Variants in WNK2 observed in about 807,000 individuals in gnomAD.
WNK2 encodes WNK lysine deficient protein kinase 2.
In WNK2, 67 loss-of-function variants were observed where a neutral mutation model predicts 192.1. The ratio of observed to expected loss-of-function variants is 0.35; its 90% CI spans 0.29 to 0.43. WNK2 has a LOEUF of 0.43. Ranked by LOEUF, WNK2 falls within the 20% of genes least tolerant of loss-of-function variation. The pLI, the probability that WNK2 is intolerant of heterozygous loss-of-function variation, is 1.00. For synonymous variants in WNK2, 1,439 were observed against 1,393.9 expected (o/e 1.03, Z -0.72); for missense variants, 2,698 against 3,089.7 (o/e 0.87, Z 3.01).
At chr9:93,256,641 G>A (rs375946389) in intron 10 of WNK2, 187 bp downstream of exon 10, 22 of 573,522 alleles carry the variant, frequency 3.8e-5, no homozygotes, top group East Asian at 1.1e-4. Context: ...GTGTGTGTAC[G>A]TGTGTGTGTG....
Position 93,235,653 on chromosome 9 carries a change from C to T in WNK2, c.1233+688C>T, listed in dbSNP as rs570209226. Among the ~76,000 whole-genome samples, 3 of 152,350 alleles carry T rather than the reference C, an allele frequency of 2.0e-5. No individual in the cohort carries two copies. The East Asian group carries it at 5.8e-4, about 29-fold the overall frequency. Reference sequence around the variant, plus strand: ...GGCTTTCTGTGCCTGTTTTCTGCACCACCCGTCTTGTTGTGAAGCCCAGGG... The same window carrying T: ...GGCTTTCTGTGCCTGTTTTCTGCACTACCCGTCTTGTTGTGAAGCCCAGGG... On this transcript the variant is annotated intron_variant, in intron 5 of 29. Coordinates refer to ENST00000427277, the MANE Select transcript of WNK2 (RefSeq NM_006648.4).
At chr9:93,228,829 T>C (rs920868288) in intron 2 of WNK2, among the ~76,000 whole-genome samples, 1 of 151,826 alleles carries the variant, frequency 6.6e-6, no homozygotes, top group African/African-American at 2.4e-5. Flanking sequence ...GGGACTATAG[T>C]GAGGGATGAG....
chr9:93,258,924 CT>C lies in WNK2; in HGVS notation c.2383-4del. The stretch of plus-strand genomic sequence containing the variant: ...CCCACACTGACACACTCCTGTGTCT[CT>C]TTCAGATGCCCCCGATTCCTGTTGT... On this transcript the variant is annotated splice_region_variant and splice_polypyrimidine_tract_variant and intron_variant, in intron 11 of 29. Coordinates refer to ENST00000427277, the MANE Select transcript of WNK2 (RefSeq NM_006648.4). 7.5e-6 allele frequency: 12 copies of C among 1,607,884 alleles called. No homozygotes were observed. Among genetic ancestry groups the C allele is most frequent in the Non-Finnish European group, 1.0e-5 (12 of 1,176,736 alleles).
intron 28 of WNK2, among the ~76,000 whole-genome samples, chr9:93,312,981 G>A (rs1025313642): frequency 3.9e-5 from 6 of 152,102 alleles, no homozygotes; most frequent in South Asian, 2.1e-4. Flanking sequence ...CAGATCTGCC[G>A]GTGAACCCCT....
intron 2 of WNK2, among the ~76,000 whole-genome samples, chr9:93,225,303 G>C (rs1372296258): frequency 6.6e-6 from 1 of 152,156 alleles, no homozygotes; most frequent in Non-Finnish European, 1.5e-5. Flanking sequence ...GGCTGAGGTG[G>C]GAGGGTCACC....
At chr9:93,295,870 C>T (rs1205179705) in intron 23 of WNK2, among the ~76,000 whole-genome samples, 1 of 148,904 alleles carries the variant, frequency 6.7e-6, no homozygotes, top group East Asian at 2.0e-4. Context: ...CCCTCACCTT[C>T]CTCCCCTCTC....
intron 28 of WNK2, among the ~76,000 whole-genome samples, chr9:93,312,480 T>C (rs1853838825): frequency 6.6e-6 from 1 of 151,740 alleles, no homozygotes; most frequent in Non-Finnish European, 1.5e-5. Context: ...GTTCAAGCAA[T>C]TCTCCTGCCT....
rs1040957613 is a variant in WNK2, at chr9:93,259,785, G to A, written c.3066+171G>A. Among the ~76,000 whole-genome samples, 1 of 152,222 alleles carries A rather than the reference G, an allele frequency of 6.6e-6. No homozygotes were observed. The highest frequency in any genetic ancestry group is 1.5e-5 in the Non-Finnish European group (1 of 68,038). ...AGGCGGGGGCTGGCGCCAGCGCGAG[G>A]CATCTGCATCTCTTCCGTTTTCCGA... On this transcript the variant is annotated intron_variant, in intron 12 of 29. Transcript: ENST00000427277. The surrounding 1 kb of genome is among the most constrained non-coding windows in gnomAD (Gnocchi z 4.8).
Position 93,289,290 on chromosome 9 carries a change from C to T in WNK2, c.4536C>T (p.Ser1512=). 1.3e-6 allele frequency: 2 copies of T among 1,599,626 alleles called. No individual in the cohort carries two copies. The highest frequency in any genetic ancestry group is 1.7e-6 in the Non-Finnish European group (2 of 1,174,256). ...TGGGGGCCGTCAGCCTGGCCACCTC[C>T]CAGCTCCCAAGCCCACCCCTGGGGC... is the stretch of plus-strand genomic sequence containing the variant. ...AAVGAVSLAT[S]QLPSPPLGPT... is the part of the protein sequence containing the mutation. The change falls in exon 20 of 30, where the codon TCC becomes TCT. Residue 1512 remains serine, a synonymous_variant. Coordinates refer to ENST00000427277, the MANE Select transcript of WNK2 (RefSeq NM_006648.4).
intron 14 of WNK2, chr9:93,263,167 C>T (rs896226849): frequency 7.7e-6 from 3 of 389,996 alleles, no homozygotes; most frequent in Admixed American, 4.2e-5. Context: ...TTGTTCCACC[C>T]TCCTGGGGTG....
rs148022448 is a variant in WNK2 at position 93,318,256 on chromosome 9, A to T, written c.6628+625A>T. On this transcript the variant is annotated intron_variant, in intron 29 of 29. Transcript: ENST00000427277. ...AGTTGCAGAGATGTGAATGGTTTACAAATCTGAAGCTGAAGTTCAATCTTT... is the reference window on the plus strand; with the variant it reads ...AGTTGCAGAGATGTGAATGGTTTACTAATCTGAAGCTGAAGTTCAATCTTT... The T allele has an allele frequency of 4.6e-4, 696 of 1,501,014 alleles. 2 individuals are homozygous for T. The African/African-American group carries it at 6.7e-3, about 14-fold the overall frequency. 93.0% of individuals were successfully genotyped at this position (1,501,014 alleles called of 1,614,324 possible).
At chr9:93,256,888 T>C (rs1172745697) in intron 10 of WNK2, 60 bp from the exon 11 acceptor site, 2 of 1,449,052 alleles carry the variant, frequency 1.4e-6, no homozygotes, top group African/African-American at 2.8e-5. Context: ...GTGTAACCAG[T>C]GGGGTGCGCT....
intron 2 of WNK2, among the ~76,000 whole-genome samples, chr9:93,187,637 G>T (rs1293272670): frequency 6.6e-6 from 1 of 152,142 alleles, no homozygotes; most frequent in Non-Finnish European, 1.5e-5. Context: ...CAAACTGTGA[G>T]GACTGAGGGG....
chr9:93,214,697 G>GT (rs1835386292), intron 2 of WNK2, among the ~76,000 whole-genome samples: 2 of 80,224 alleles, frequency 2.5e-5, no homozygotes, highest in African/African-American at 4.7e-5. Context: ...TGAAGGTAGT[G>GT]CCCCCCCCCC....
intron 24 of WNK2, among the ~76,000 whole-genome samples, chr9:93,298,664 C>T (rs950832414): frequency 6.6e-6 from 1 of 152,168 alleles, no homozygotes; most frequent in Non-Finnish European, 1.5e-5. Flanking sequence ...GAGCCCAAGT[C>T]CCCAAGCATG....
chr9:93,192,557 G>T (rs754365621), intron 2 of WNK2, among the ~76,000 whole-genome samples: 1 of 151,976 alleles, frequency 6.6e-6, no homozygotes, highest in Non-Finnish European at 1.5e-5. Context: ...CCCCAGGAGT[G>T]CAGGGATGGG....
At chr9:93,300,655 C>G (rs1851450046) in intron 26 of WNK2, among the ~76,000 whole-genome samples, 1 of 152,192 alleles carries the variant, frequency 6.6e-6, no homozygotes, top group Non-Finnish European at 1.5e-5. Context: ...CATAGCGAGC[C>G]TATACGGTTC....
intron 2 of WNK2, among the ~76,000 whole-genome samples, chr9:93,222,885 T>C (rs1317637149): frequency 6.6e-6 from 1 of 152,180 alleles, no homozygotes; most frequent in Non-Finnish European, 1.5e-5. Context: ...TTTCACCACA[T>C]TGGCCAGGCT....
At chr9:93,194,754 C>T (rs1173806096) in intron 2 of WNK2, among the ~76,000 whole-genome samples, 4 of 152,294 alleles carry the variant, frequency 2.6e-5, no homozygotes, top group Non-Finnish European at 5.9e-5. Context: ...AACCTGCACA[C>T]GGATGTTTAT....
Sources: allele counts gnomAD v4.1 joint callset (sites outside exome capture counted in the v4.1 genomes callset), GRCh38; gene constraint gnomAD v4.1.1; non-coding constraint Gnocchi (gnomAD v3.1); transcripts MANE v1.5; gene names NCBI Gene and HGNC (gene_info 2026-07-23, HGNC 2026-07-21).